The following TJP1 variants were observed in gnomAD, a reference collection of about 807,000 sequenced individuals.
TJP1 encodes the protein tight junction protein ZO-1.
In TJP1, 43 loss-of-function variants were observed where a neutral mutation model predicts 194.2. The ratio of observed to expected loss-of-function variants is 0.22; its 90% CI spans 0.17 to 0.29. The LOEUF is 0.29. TJP1 is among the 10% of genes least tolerant of loss of function. TJP1 has a pLI of 1.00. For missense variants in TJP1, 1,971 were observed against 2,185.7 expected (o/e 0.90, Z 1.96); for synonymous variants, 801 against 779.0 (o/e 1.03, Z -0.47).
intron 11 of TJP1, among the ~76,000 whole-genome samples, chr15:29,736,342 GA>G (rs2044034124): frequency 6.6e-6 from 1 of 152,200 alleles, no homozygotes; most frequent in South Asian, 2.1e-4. Flanking sequence ...AGAACCAGTG[GA>G]GAGAGAAAGA....
intron 2 of TJP1, among the ~76,000 whole-genome samples, chr15:29,792,081 T>C (rs1303381608): frequency 6.6e-6 from 1 of 152,210 alleles, no homozygotes; most frequent in Non-Finnish European, 1.5e-5. Flanking sequence ...GGTTGTTTCT[T>C]CATTTTGTTG....
At position 29,822,285 on chromosome 15, in the gene TJP1, G is replaced by C; in HGVS notation, c.-257C>G. On this transcript the variant is annotated 5_prime_UTR_variant, in exon 1 of 28. Coordinates refer to ENST00000614355, the MANE Select transcript of TJP1 (RefSeq NM_001330239.4). Reference sequence around the variant, plus strand: ...CCCTCCGAGCGCGGCCACCCACTCGGCCTCCCGCAGCTTTCGCAGCCCGGC... The same window carrying C: ...CCCTCCGAGCGCGGCCACCCACTCGCCCTCCCGCAGCTTTCGCAGCCCGGC... 4 of 1,141,166 alleles carry C rather than the reference G, an allele frequency of 3.5e-6. No individual in the cohort carries two copies. Among genetic ancestry groups the C allele is most frequent in the Non-Finnish European group, 4.3e-6 (4 of 929,480 alleles). The allele number at this position is 1,141,166 out of a possible 1,614,324, so 70.7% of individuals were successfully genotyped here. A position where few individuals can be genotyped will look rare whatever the true frequency, so the allele number is the denominator to read the frequency against.
At position 29,909,660 on chromosome 15, in the gene TJP1, G is replaced by C. The variant is rs982197532; in HGVS notation, c.306+46572C>G. 2.0e-5 allele frequency among the ~76,000 whole-genome samples: 3 copies of C among 152,032 alleles called. No individual in the cohort carries two copies. In the East Asian group the frequency reaches 5.8e-4, roughly 29 times the overall value. On this transcript the variant is annotated intron_variant, in intron 2 of 28. Transcript: ENST00000356107. ...ACAGGAGAAAGACTGGTTTCCCACTGTGCAAAGACCTGCTGCAGCCCTTAG... is the reference window on the plus strand; with the variant it reads ...ACAGGAGAAAGACTGGTTTCCCACTCTGCAAAGACCTGCTGCAGCCCTTAG...
intron 18 of TJP1, 43 bp downstream of exon 18, chr15:29,726,336 T>C (rs771476612): frequency 2.0e-6 from 3 of 1,498,700 alleles, no homozygotes; most frequent in South Asian, 2.3e-5. Flanking sequence ...ATTAGTTACA[T>C]AATTTACTGA....
At chr15:29,937,500 C>G (rs911598244) in intron 2 of TJP1, among the ~76,000 whole-genome samples, 1 of 152,054 alleles carries the variant, frequency 6.6e-6, no homozygotes, top group African/African-American at 2.4e-5. Flanking sequence ...AAAAGGCATG[C>G]TAAAAGCAAC....
At chr15:29,741,260 C>A in intron 10 of TJP1, 71 bp downstream of exon 10, 1 of 1,147,284 alleles carries the variant, frequency 8.7e-7, no homozygotes, top group South Asian at 1.4e-5. Flanking sequence ...ATATGGTTTA[C>A]AATTAAATTC....
At chr15:29,841,768 A>G (rs966946285) in intron 2 of TJP1, among the ~76,000 whole-genome samples, 25 of 150,614 alleles carry the variant, frequency 1.7e-4, no homozygotes, top group African/African-American at 5.6e-4. Context: ...TTTTAGTAAC[A>G]TTTATCATAA....
chr15:29,939,614 C>G (rs928877268), intron 2 of TJP1, among the ~76,000 whole-genome samples: 6 of 152,174 alleles, frequency 3.9e-5, no homozygotes, highest in Admixed American at 3.9e-4. Flanking sequence ...AGCTACACAC[C>G]ATGTGCTATG....
At position 29,717,300 on chromosome 15, in the gene TJP1, G is replaced by C. The variant is rs376396854; in HGVS notation, c.3975-462C>G. ...CTCTATATGGTCTAAAGTTCTAGAA[G>C]GCATACAAAGCAGATGAGGAAGAAA... On this transcript the variant is annotated intron_variant, in intron 22 of 27. Transcript: ENST00000614355. Among the ~76,000 whole-genome samples the C allele has an allele frequency of 2.0e-5, 3 of 152,142 alleles. No individual in the cohort carries two copies. In the East Asian group the frequency reaches 5.8e-4, roughly 29 times the overall value.
rs781403714 is a variant in TJP1, at chr15:29,766,252, T to A, written c.589+14A>T. The stretch of plus-strand genomic sequence containing the variant: ...TTTCATGTGAAAAAAACAGCAAGAG[T>A]TGGCAGAGAATACCTTCATTTTTCC... On this transcript the variant is annotated intron_variant, in intron 5 of 27. Transcript: ENST00000614355. The A allele has an allele frequency of 6.2e-7, 1 of 1,602,244 alleles. No homozygotes were observed. Among genetic ancestry groups the A allele is most frequent in the Non-Finnish European group, 8.5e-7 (1 of 1,175,306 alleles).
At chr15:29,737,467 TAGCAATCACTAC>T (rs1487168521) in intron 10 of TJP1, 53 bp from the exon 11 acceptor site, 2 of 1,592,136 alleles carry the variant, frequency 1.3e-6, no homozygotes, top group Non-Finnish European at 1.7e-6. Context: ...TAAAACGTTA[TAGCAATCACTAC>T]AGTGAAAACT....
chr15:29,958,770 T>G (rs566051710), intron 1 of TJP1, among the ~76,000 whole-genome samples: 10 of 48,062 alleles, frequency 2.1e-4, no homozygotes, highest in African/African-American at 7.4e-4. Context: ...TCATTCCCCC[T>G]CTTTCCCAGC....
chr15:29,762,318 TAAG>T lies in TJP1; in HGVS notation c.693+14_693+16del. 1.9e-6 allele frequency: 3 copies of T among 1,587,008 alleles called. No individual in the cohort carries two copies. The highest frequency in any genetic ancestry group is 2.6e-6 in the Non-Finnish European group (3 of 1,159,692). The stretch of plus-strand genomic sequence containing the variant: ...TTTTCTATTTCAGTTCATTAAAAAG[TAAG>T]AATATGATTATACCTTCAATACAAC... On this transcript the variant is annotated intron_variant, in intron 6 of 27. Transcript: ENST00000614355.
At position 29,704,163 on chromosome 15, in the gene TJP1, C is replaced by T. The variant is rs546621604; in HGVS notation, c.5211G>A (p.Ser1737=). 3.9e-5 allele frequency: 61 copies of T among 1,555,154 alleles called. No homozygotes were observed. Among genetic ancestry groups the T allele is most frequent in the Admixed American group, 9.8e-5 (5 of 51,082 alleles). ...AAGGACAGAGTGAAGACAGCATACC[C>T]GACGAGGAGTCGGATGATTTTAGAG... ...SFALKSSDSS[S]GDPKTWQNKC... Residue 1737 remains serine, a splice_region_variant and synonymous_variant, in exon 27 of 28, where the codon TCG becomes TCA. Transcript: ENST00000614355.
At chr15:29,808,487 T>C (rs2049263456) in intron 1 of TJP1, among the ~76,000 whole-genome samples, 1 of 152,228 alleles carries the variant, frequency 6.6e-6, no homozygotes, top group Admixed American at 6.5e-5. Context: ...ATGTATTATG[T>C]TATTTAAAAA....
intron 18 of TJP1, among the ~76,000 whole-genome samples, chr15:29,721,666 A>G (rs1395250139): frequency 6.6e-6 from 1 of 152,180 alleles, no homozygotes; most frequent in Non-Finnish European, 1.5e-5. Context: ...AGGTTGGAAC[A>G]GTTTGGAGGG....
At chr15:29,806,590 G>A (rs924175215) in intron 1 of TJP1, among the ~76,000 whole-genome samples, 2 of 152,146 alleles carry the variant, frequency 1.3e-5, no homozygotes, top group Non-Finnish European at 2.9e-5. Context: ...GAACTCCAAA[G>A]TGTTTCTGTT....
In TJP1 at chr15:29,799,723, CTA is replaced by C. The variant is rs531904484; in HGVS notation, c.84+921_84+922del. 4.6e-5 allele frequency among the ~76,000 whole-genome samples: 7 copies of C among 152,222 alleles called. No individual in the cohort carries two copies. In the South Asian group the frequency reaches 1.5e-3, roughly 32 times the overall value. ...AGCCACCACACCCAGCCAAAAACAA[CTA>C]TTTTTTAATAATTAATTTACCCATT... On this transcript the variant is annotated intron_variant, in intron 2 of 27. Coordinates refer to ENST00000614355, the MANE Select transcript of TJP1 (RefSeq NM_001330239.4).
intron 2 of TJP1, among the ~76,000 whole-genome samples, chr15:29,942,769 A>AT (rs1692509531): frequency 6.6e-6 from 1 of 152,228 alleles, no homozygotes. Flanking sequence ...CCAGGTTAGC[A>AT]ACACAGGCTG....
Sources: allele counts gnomAD v4.1 joint callset (sites outside exome capture counted in the v4.1 genomes callset), GRCh38; gene constraint gnomAD v4.1.1; transcripts MANE v1.5; gene names NCBI Gene and HGNC (gene_info 2026-07-23, HGNC 2026-07-21).